The following FRMD3 variants were observed in gnomAD, a reference collection of about 807,000 sequenced individuals.
FRMD3 encodes the protein FERM domain-containing protein 3.
Under a neutral mutation model 70.2 loss-of-function variants are expected in FRMD3, and 33 were observed. The observed-to-expected ratio is 0.47, with a 90% CI of 0.36 to 0.63. The LOEUF (loss-of-function observed/expected upper bound fraction) is 0.63, where lower values mean the gene tolerates loss of function less well. FRMD3 is among the 20% of genes least tolerant of loss of function. The pLI, the probability that FRMD3 is intolerant of heterozygous loss-of-function variation, is 0.00. For synonymous variants in FRMD3, 279 were observed against 255.9 expected, an observed-to-expected ratio of 1.09 and a Z score of -0.86; for missense variants, 632 against 711.4, an observed-to-expected ratio of 0.89 and a Z score of 1.27.
chr9:83,345,543 G>A (rs960534518), intron 4 of FRMD3, among the ~76,000 whole-genome samples: 1 of 151,982 alleles, frequency 6.6e-6, no homozygotes, highest in African/African-American at 2.4e-5. Context: ...GGATCACGAG[G>A]TCAACAGATG....
At chr9:83,469,430 T>C (rs758294079) in intron 1 of FRMD3, among the ~76,000 whole-genome samples, 1 of 152,156 alleles carries the variant, frequency 6.6e-6, no homozygotes, top group Non-Finnish European at 1.5e-5. Flanking sequence ...AACTTCATGA[T>C]TTCACACCTG....
chr9:83,560,488 C>T, the FRMD3 span, among the ~76,000 whole-genome samples: 937 of 152,296 alleles, frequency 6.2e-3, 7 homozygotes, highest in African/African-American at 0.021. Context: ...CGGAGCCTTC[C>T]AGTTCAGCTT....
intron 13 of FRMD3, among the ~76,000 whole-genome samples, chr9:83,283,544 AAAAAT>A (rs1834062824): frequency 6.7e-5 from 1 of 14,988 alleles, no homozygotes; most frequent in African/African-American, 8.6e-5. Context: ...AAAAAAAAAA[AAAAAT>A]AATAATAATA....
chr9:83,517,798 T>C (rs889655122), intron 1 of FRMD3, among the ~76,000 whole-genome samples: 1 of 152,160 alleles, frequency 6.6e-6, no homozygotes, highest in Non-Finnish European at 1.5e-5. Flanking sequence ...CACGATCAAG[T>C]CAGCTTCATC....
Position 83,246,626 on chromosome 9 carries a change from C to A in FRMD3, c.*1292G>T. The A allele has an allele frequency of 1.0e-6, 1 of 979,548 alleles. No individual in the cohort carries two copies. Among genetic ancestry groups the A allele is most frequent in the East Asian group, 1.2e-4 (1 of 8,492 alleles). 60.7% of individuals were successfully genotyped at this position (979,548 alleles called of 1,614,324 possible). A position where few individuals can be genotyped will look rare whatever the true frequency, so the allele number is the denominator to read the frequency against. ...GCAAAACATGATCATGGACATGTAT[C>A]AAAAAGCCATTCATATTCTCTCTCT... On this transcript the variant is annotated 3_prime_UTR_variant, in exon 14 of 14. Transcript: ENST00000304195.
chr9:83,487,170 C>G (rs1167647231), intron 1 of FRMD3, among the ~76,000 whole-genome samples: 1 of 152,144 alleles, frequency 6.6e-6, no homozygotes, highest in Non-Finnish European at 1.5e-5. Flanking sequence ...TTATCATTAT[C>G]AAGAAGTAAA....
intron 1 of FRMD3, among the ~76,000 whole-genome samples, chr9:83,414,623 A>T (rs934275724): frequency 3.9e-5 from 6 of 152,234 alleles, no homozygotes; most frequent in Non-Finnish European, 7.3e-5. Context: ...ATATTTTTTT[A>T]AACTCCTACA....
Position 83,346,310 on chromosome 9 carries a change from C to T in FRMD3, c.375-3023G>A, listed in dbSNP as rs991696059. Among the ~76,000 whole-genome samples, 9 of 145,538 alleles carry T rather than the reference C, an allele frequency of 6.2e-5. No homozygotes were observed. In the East Asian group the frequency reaches 1.2e-3, roughly 19 times the overall value. The stretch of plus-strand genomic sequence containing the variant: ...AACAAGCCAAATGTCCCCCAGCTGA[C>T]GAATACATAAAAGAAATGTGGCATT... On this transcript the variant is annotated intron_variant, in intron 4 of 13. Coordinates refer to ENST00000304195, the MANE Select transcript of FRMD3 (RefSeq NM_174938.6).
intron 3 of FRMD3, among the ~76,000 whole-genome samples, chr9:83,362,750 T>A (rs1824635339): frequency 6.6e-6 from 1 of 150,518 alleles, no homozygotes; most frequent in African/African-American, 2.5e-5. Flanking sequence ...CTTCCTTCTC[T>A]CCTTCCTTCC....
intron 1 of FRMD3, among the ~76,000 whole-genome samples, chr9:83,405,060 A>G (rs2131326589): frequency 6.6e-6 from 1 of 152,258 alleles, no homozygotes; most frequent in South Asian, 2.1e-4. Context: ...GAAGGAAGAG[A>G]CGATGGGCTG....
chr9:83,361,358 A>C (rs965321702), intron 3 of FRMD3, among the ~76,000 whole-genome samples: 6 of 152,250 alleles, frequency 3.9e-5, no homozygotes, highest in Admixed American at 6.5e-5. Context: ...GGAACAGGTG[A>C]AGAAATTTTC....
intron 1 of FRMD3, among the ~76,000 whole-genome samples, chr9:83,499,930 G>A (rs1398402611): frequency 6.6e-6 from 1 of 152,124 alleles, no homozygotes; most frequent in East Asian, 1.9e-4. Context: ...AAAAAGAAAT[G>A]AGTTATCAAG....
At chr9:83,352,153 A>G (rs185462499) in intron 3 of FRMD3, among the ~76,000 whole-genome samples, 2 of 152,358 alleles carry the variant, frequency 1.3e-5, no homozygotes, top group East Asian at 1.9e-4. Context: ...AAACTATTCT[A>G]CATCAAACCA....
At chr9:83,562,995 A>G in the FRMD3 span, among the ~76,000 whole-genome samples, 1 of 152,064 alleles carries the variant, frequency 6.6e-6, no homozygotes, top group Non-Finnish European at 1.5e-5. Context: ...TGAAAAAAAA[A>G]AAAAAGAATG....
At chr9:83,313,878 A>G (rs974632114) in intron 6 of FRMD3, 131 bp from the exon 7 acceptor site, 4 of 647,520 alleles carry the variant, frequency 6.2e-6, no homozygotes, top group Non-Finnish European at 1.1e-5. Context: ...AGTAATCAGT[A>G]AGACTGATCA....
intron 1 of FRMD3, among the ~76,000 whole-genome samples, chr9:83,399,958 C>A (rs190678758): frequency 1.3e-5 from 2 of 151,608 alleles, no homozygotes; most frequent in Admixed American, 6.6e-5. Flanking sequence ...CTTTTCAACA[C>A]CATACTGGAA....
In FRMD3 at chr9:83,363,758, G is replaced by T. The variant is rs535492859; in HGVS notation, c.295+9155C>A. On this transcript the variant is annotated intron_variant, in intron 3 of 13. Transcript: ENST00000304195. ...TTTAGTAGAGACGGGGTTTCACCAT[G>T]TTAGCCAGGATGGTCTCGATCTCCT... is the stretch of plus-strand genomic sequence containing the variant. 5.2e-3 allele frequency among the ~76,000 whole-genome samples: 789 copies of T among 152,202 alleles called. 1 individual carries two copies. The highest frequency in any genetic ancestry group is 8.0e-3 in the Non-Finnish European group (544 of 67,998).
intron 1 of FRMD3, among the ~76,000 whole-genome samples, chr9:83,511,370 G>T (rs1829335867): frequency 6.6e-6 from 1 of 152,208 alleles, no homozygotes; most frequent in African/African-American, 2.4e-5. Flanking sequence ...GAGAAGGAGG[G>T]AGTTAGCTGA....
intron 1 of FRMD3, among the ~76,000 whole-genome samples, chr9:83,533,071 T>C (rs1169995058): frequency 6.6e-6 from 1 of 152,208 alleles, no homozygotes; most frequent in African/African-American, 2.4e-5. Flanking sequence ...CCTTATTATT[T>C]AGGCCACTTT....
Sources: gnomAD v4.1 joint callset for allele counts (sites outside exome capture counted in the v4.1 genomes callset) on GRCh38, gnomAD v4.1.1 for gene constraint, MANE v1.5 for transcripts, NCBI Gene and HGNC (gene_info 2026-07-23, HGNC 2026-07-21) for gene names.